OTOGL: variants seen among roughly 807,000 people sequenced by gnomAD.
OTOGL encodes otogelin like.
Under a neutral mutation model 318.5 loss-of-function variants are expected in OTOGL, and 285 were observed. That is an observed-to-expected ratio of 0.89 (90% confidence interval 0.81 to 0.99). The LOEUF (loss-of-function observed/expected upper bound fraction) is 0.99, where lower values mean the gene tolerates loss of function less well. Among genes scored for constraint, OTOGL ranks in the 50% least tolerant of loss-of-function variants. The probability of loss-of-function intolerance (pLI) is 0.00; values close to 1 mark genes in which losing one functional copy is unlikely to be tolerated. For synonymous variants in OTOGL, 987 were observed against 936.5 expected (o/e 1.05, Z -0.99); for missense variants, 2,899 against 2,845.6 (o/e 1.02, Z -0.43).
At chr12:80,212,437 T>G (rs893287560) in intron 4 of OTOGL, among the ~76,000 whole-genome samples, 1 of 152,264 alleles carries the variant, frequency 6.6e-6, no homozygotes, top group Admixed American at 6.5e-5. Context: ...TGACAGAAAG[T>G]TTTTATAATG....
chr12:80,333,640 G>A (rs540376830), intron 38 of OTOGL, among the ~76,000 whole-genome samples: 9 of 152,130 alleles, frequency 5.9e-5, no homozygotes, highest in African/African-American at 1.4e-4. Flanking sequence ...CAGAGTTTAC[G>A]TTCTATTGGA....
chr12:80,137,757 G>T (rs1391721518), intron 1 of OTOGL, among the ~76,000 whole-genome samples: 1 of 152,068 alleles, frequency 6.6e-6, no homozygotes, highest in Non-Finnish European at 1.5e-5. Flanking sequence ...CTGATGCCAG[G>T]GTAATTACTG....
Position 80,108,616 on chromosome 12 carries a change from C to T in OTOGL, c.-20+9011C>T, listed in dbSNP as rs117309854. On this transcript the variant is annotated intron_variant, in intron 1 of 58. Coordinates refer to ENST00000547103, the MANE Select transcript of OTOGL (RefSeq NM_001378609.3). ...ATTTTCACCCAATGCTTTTAGCATCCATTGATGACTTTTGCTTGAATCAAT... is the reference window on the plus strand; with the variant it reads ...ATTTTCACCCAATGCTTTTAGCATCTATTGATGACTTTTGCTTGAATCAAT... 5.9e-3 allele frequency among the ~76,000 whole-genome samples: 886 copies of T among 151,216 alleles called. 3 individuals are homozygous for T. The highest frequency in any genetic ancestry group is 1.0e-2 in the Non-Finnish European group (677 of 67,750).
chr12:80,279,326 G>A (rs770285446), intron 26 of OTOGL, among the ~76,000 whole-genome samples, 160 bp downstream of exon 26: 6 of 151,382 alleles, frequency 4.0e-5, no homozygotes, highest in Non-Finnish European at 7.4e-5. Context: ...GGGGTACTTG[G>A]GAAGGTCTGT....
In OTOGL at chr12:80,313,542, T is replaced by G. The variant is rs373399129; in HGVS notation, c.3517T>G (p.Cys1173Gly). Residue 1173 changes from cysteine to glycine, a missense_variant, in exon 31 of 59, where the codon TGT becomes GGT. By Grantham distance (159) the Cys-to-Gly change is radical. This residue lies in a region of OTOGL where 2,607 missense variants were observed against 2,524.9 expected (regional missense o/e 1.03). Coordinates refer to ENST00000547103, the MANE Select transcript of OTOGL (RefSeq NM_001378609.3). ...ATGTAACTGCAATCTTGGTGGCGAC[T>G]GTGAGTGTTTGTGCACTAGTATAGC... is the stretch of plus-strand genomic sequence containing the variant. ...DTCNCNLGGDCECLCTSIAAY... is the reference protein window; with the variant it reads ...DTCNCNLGGDGECLCTSIAAY... 3 of 1,612,350 alleles carry G rather than the reference T, an allele frequency of 1.9e-6. No homozygotes were observed. The African/African-American group carries it at 4.0e-5, about 22-fold the overall frequency.
intron 37 of OTOGL, 139 bp downstream of exon 37, chr12:80,329,258 C>T: frequency 1.6e-6 from 1 of 638,936 alleles, no homozygotes; most frequent in African/African-American, 2.0e-5. Context: ...ACTTTTGCTT[C>T]ATTAAGCTTG....
chr12:80,125,577 C>G (rs1369257387), intron 1 of OTOGL, among the ~76,000 whole-genome samples: 1 of 152,182 alleles, frequency 6.6e-6, no homozygotes, highest in Non-Finnish European at 1.5e-5. Context: ...AGGATTCTCT[C>G]TTTTTCTATT....
chr12:80,152,897 T>C (rs919027916), intron 1 of OTOGL, among the ~76,000 whole-genome samples: 4 of 152,194 alleles, frequency 2.6e-5, no homozygotes, highest in African/African-American at 9.6e-5. Flanking sequence ...TTTCACCATG[T>C]TGGCCAGGCA....
chr12:80,133,445 T>C (rs1011471484), intron 1 of OTOGL: 2 of 152,214 alleles, frequency 1.3e-5, no homozygotes, highest in African/African-American at 4.8e-5. Context: ...CTCTACAGTC[T>C]AATCATTCAT....
intron 1 of OTOGL, among the ~76,000 whole-genome samples, chr12:80,103,601 T>G (rs1173895702): frequency 6.6e-6 from 1 of 152,244 alleles, no homozygotes; most frequent in African/African-American, 2.4e-5. Context: ...ATTAGTTATG[T>G]TGTGTGTTAG....
intron 30 of OTOGL, 67 bp from the exon 31 acceptor site, chr12:80,313,409 A>T (rs1005103515): frequency 1.5e-5 from 22 of 1,437,672 alleles, no homozygotes; most frequent in African/African-American, 2.8e-5. Context: ...ATAGTTTTTT[A>T]GACGGTTGAC....
At chr12:80,193,477 C>G (rs376749969) in intron 1 of OTOGL, among the ~76,000 whole-genome samples, 2 of 152,120 alleles carry the variant, frequency 1.3e-5, no homozygotes, top group African/African-American at 4.8e-5. Context: ...GATTGTGCCA[C>G]TGCACTCCAC....
At chr12:80,103,487 A>T (rs2137066919) in intron 1 of OTOGL, among the ~76,000 whole-genome samples, 2 of 152,308 alleles carry the variant, frequency 1.3e-5, no homozygotes, top group Middle Eastern at 3.4e-3. Context: ...TTCAACAGTC[A>T]GCTCAAATAT....
intron 1 of OTOGL, among the ~76,000 whole-genome samples, chr12:80,176,586 T>G (rs1411234303): frequency 2.0e-5 from 3 of 152,224 alleles, no homozygotes; most frequent in African/African-American, 7.2e-5. Flanking sequence ...CAATTATTTT[T>G]TATTGCTAAG....
intron 44 of OTOGL, among the ~76,000 whole-genome samples, chr12:80,348,179 G>T (rs1339398078): frequency 3.3e-5 from 5 of 152,100 alleles, no homozygotes; most frequent in Non-Finnish European, 7.4e-5. Context: ...TGGTGTTTTG[G>T]TCATGAAGTC....
At chr12:80,308,164 C>T (rs1417006898) in intron 29 of OTOGL, among the ~76,000 whole-genome samples, 2 of 150,110 alleles carry the variant, frequency 1.3e-5, no homozygotes, top group African/African-American at 4.9e-5. Flanking sequence ...CCACCTCCCT[C>T]CCGGACGAGG....
At chr12:80,144,446 G>A (rs10862068) in intron 1 of OTOGL, among the ~76,000 whole-genome samples, 73,334 of 142,974 alleles carry the variant, frequency 0.51, 19,847 homozygotes, top group African/African-American at 0.7. Flanking sequence ...TTCTTAATCC[G>A]GTCTATCATT....
intron 26 of OTOGL, among the ~76,000 whole-genome samples, chr12:80,295,886 G>A (rs1338495062): frequency 6.6e-6 from 1 of 152,116 alleles, no homozygotes; most frequent in Non-Finnish European, 1.5e-5. Context: ...GGAACCAGAT[G>A]TAAACAATAT....
intron 24 of OTOGL, among the ~76,000 whole-genome samples, chr12:80,277,239 TA>T (rs1238281074): frequency 6.8e-5 from 10 of 146,840 alleles, no homozygotes; most frequent in African/African-American, 2.4e-4. Context: ...ATTATATTTA[TA>T]ATTAATTACA....
Sources: allele counts gnomAD v4.1 joint callset (sites outside exome capture counted in the v4.1 genomes callset), GRCh38; gene constraint gnomAD v4.1.1; regional missense constraint gnomAD v4.1.1; transcripts MANE v1.5; gene names NCBI Gene and HGNC (gene_info 2026-07-23, HGNC 2026-07-21).